OTUD7A: variants seen among roughly 807,000 people sequenced by gnomAD.
OTUD7A encodes the protein OTU deubiquitinase 7A.
Under a neutral mutation model 65.7 loss-of-function variants are expected in OTUD7A, and 12 were observed. The ratio of observed to expected loss-of-function variants is 0.18; its 90% confidence interval spans 0.12 to 0.30. The LOEUF (loss-of-function observed/expected upper bound fraction) is 0.30. OTUD7A is among the 10% of genes least tolerant of loss of function. The pLI, the probability that OTUD7A is intolerant of heterozygous loss-of-function variation, is 1.00. For missense variants in OTUD7A, 1,148 were observed against 1,304.8 expected (o/e 0.88, Z 1.85); for synonymous variants, 641 against 586.3 (o/e 1.09, Z -1.35).
intron 1 of OTUD7A, among the ~76,000 whole-genome samples, chr15:31,693,711 A>C (rs1465794140): frequency 1.3e-5 from 2 of 152,142 alleles, no homozygotes; most frequent in Non-Finnish European, 2.9e-5. Context: ...GAAAGCCCAA[A>C]GAGGCTGTTC....
At chr15:31,774,617 G>A (rs1406783654) in intron 1 of OTUD7A, among the ~76,000 whole-genome samples, 2 of 152,116 alleles carry the variant, frequency 1.3e-5, no homozygotes, top group African/African-American at 4.8e-5. Flanking sequence ...TCTCCAGAGG[G>A]GGATCTCAGA....
At chr15:31,606,164 T>C (rs935638985) in intron 3 of OTUD7A, among the ~76,000 whole-genome samples, 3 of 152,222 alleles carry the variant, frequency 2.0e-5, no homozygotes, top group African/African-American at 7.2e-5. Flanking sequence ...TCAGTGTAAA[T>C]GCAGAATAAC....
At chr15:31,505,818 C>T (rs925595798) in intron 8 of OTUD7A, among the ~76,000 whole-genome samples, 2 of 150,626 alleles carry the variant, frequency 1.3e-5, no homozygotes, top group Non-Finnish European at 2.9e-5. Context: ...GGCATGATCT[C>T]GGCTCACTGC....
At chr15:31,594,068 CT>C (rs1156882014) in intron 3 of OTUD7A, among the ~76,000 whole-genome samples, 1 of 152,158 alleles carries the variant, frequency 6.6e-6, no homozygotes, top group Non-Finnish European at 1.5e-5. Context: ...TAAAATGGTT[CT>C]TAAAAAGGAA....
At chr15:31,548,706 A>G (rs1443969533) in intron 5 of OTUD7A, among the ~76,000 whole-genome samples, 2 of 152,234 alleles carry the variant, frequency 1.3e-5, no homozygotes, top group African/African-American at 2.4e-5. Flanking sequence ...TATCAAAAGC[A>G]TAGTTGCCAT....
intron 3 of OTUD7A, among the ~76,000 whole-genome samples, chr15:31,581,546 G>C (rs1396059628): frequency 6.6e-6 from 1 of 152,234 alleles, no homozygotes; most frequent in Non-Finnish European, 1.5e-5. Flanking sequence ...AATCTAGGTG[G>C]AGGTTCCCAA....
intron 1 of OTUD7A, among the ~76,000 whole-genome samples, chr15:31,737,041 T>C (rs1020890602): frequency 6.6e-6 from 1 of 152,142 alleles, no homozygotes; most frequent in African/African-American, 2.4e-5. Context: ...AGGCTGGTCT[T>C]GAACTCCTGG....
chr15:31,812,021 C>T (rs1247974263), intron 1 of OTUD7A, among the ~76,000 whole-genome samples: 1 of 152,212 alleles, frequency 6.6e-6, no homozygotes, highest in African/African-American at 2.4e-5. Flanking sequence ...CTTCACCCAG[C>T]CTTCCCAGGG....
intron 8 of OTUD7A, among the ~76,000 whole-genome samples, chr15:31,506,175 G>A (rs560077545): frequency 1.3e-5 from 2 of 151,774 alleles, no homozygotes; most frequent in Non-Finnish European, 2.9e-5. Context: ...GTTAGGGGCA[G>A]TATTAGGAAT....
chr15:31,575,595 CTG>C (rs960538490), intron 3 of OTUD7A, among the ~76,000 whole-genome samples: 28 of 152,214 alleles, frequency 1.8e-4, no homozygotes, highest in Non-Finnish European at 3.1e-4. Flanking sequence ...TGACTGAACT[CTG>C]TGACATAGCT....
intron 1 of OTUD7A, among the ~76,000 whole-genome samples, chr15:31,687,214 C>T (rs1892858998): frequency 6.6e-6 from 1 of 151,980 alleles, no homozygotes; most frequent in African/African-American, 2.4e-5. Context: ...CGAGGGGAGG[C>T]AGTTAAGGCT....
intron 3 of OTUD7A, among the ~76,000 whole-genome samples, chr15:31,610,611 A>ATTT (rs1309588573): frequency 2.5e-4 from 9 of 36,574 alleles, no homozygotes; most frequent in African/African-American, 9.7e-4. Flanking sequence ...ATATATATAT[A>ATTT]TATATATTTT....
At chr15:31,651,572 AACACACAC>A (rs60554390) in intron 3 of OTUD7A, among the ~76,000 whole-genome samples, 24,437 of 140,724 alleles carry the variant, frequency 0.17, 2,744 homozygotes, top group East Asian at 0.54. Context: ...AATCCCAAGG[AACACACAC>A]ACACACACAC....
intron 3 of OTUD7A, among the ~76,000 whole-genome samples, chr15:31,644,125 G>A (rs1377486480): frequency 2.0e-5 from 3 of 151,798 alleles, no homozygotes; most frequent in African/African-American, 7.3e-5. Context: ...GGGTGGGGTG[G>A]GGGATGCCAG....
At chr15:31,667,238 A>AC (rs148908525) in intron 1 of OTUD7A, among the ~76,000 whole-genome samples, 46,464 of 151,866 alleles carry the variant, frequency 0.31, 8,299 homozygotes, top group African/African-American at 0.49. Flanking sequence ...GAAGTCCCCC[A>AC]TATTATTGTG....
intron 4 of OTUD7A, among the ~76,000 whole-genome samples, chr15:31,561,224 C>G (rs796594808): frequency 9.2e-5 from 14 of 151,844 alleles, no homozygotes; most frequent in African/African-American, 3.4e-4. Context: ...ATGGGCCCAG[C>G]TTGGGTGGTG....
intron 1 of OTUD7A, among the ~76,000 whole-genome samples, chr15:31,687,229 G>A (rs1419999057): frequency 6.6e-6 from 1 of 152,114 alleles, no homozygotes; most frequent in African/African-American, 2.4e-5. Flanking sequence ...AAGGCTGACC[G>A]AGAGCAGGAG....
At chr15:31,508,122 G>C (rs953702430) in intron 8 of OTUD7A, among the ~76,000 whole-genome samples, 1 of 151,966 alleles carries the variant, frequency 6.6e-6, no homozygotes. Flanking sequence ...AGCTATAACA[G>C]AATAAGGAAA....
chr15:31,565,336 T>C (rs4779895), intron 4 of OTUD7A, among the ~76,000 whole-genome samples: 25,863 of 152,160 alleles, frequency 0.17, 2,382 homozygotes, highest in East Asian at 0.24. Flanking sequence ...GATATCCAAG[T>C]GATTCTCTTA....
Sources: allele counts gnomAD v4.1 joint callset (sites outside exome capture counted in the v4.1 genomes callset), GRCh38; gene constraint gnomAD v4.1.1; transcripts MANE v1.5; gene names NCBI Gene and HGNC (gene_info 2026-07-23, HGNC 2026-07-21).